SEPTIN9: variants seen among roughly 807,000 people sequenced by gnomAD.
The protein encoded by SEPTIN9 is septin-9.
SEPTIN9 carries 13 observed loss-of-function variants against 56.6 expected under a neutral mutation model. The observed-to-expected ratio is 0.23, with a 90% CI of 0.15 to 0.37. The LOEUF (loss-of-function observed/expected upper bound fraction) is 0.37, where lower values mean the gene tolerates loss of function less well. Ranked by LOEUF, SEPTIN9 falls within the 10% of genes least tolerant of loss-of-function variation. SEPTIN9 has a pLI of 1.00. For synonymous variants in SEPTIN9, 332 were observed against 334.1 expected, an observed-to-expected ratio of 0.99 and a Z score of 0.07; for missense variants, 650 against 823.1, an observed-to-expected ratio of 0.79 and a Z score of 2.57.
intron 7 of SEPTIN9, 65 bp downstream of exon 7, chr17:77,488,929 T>A: frequency 6.3e-7 from 1 of 1,588,804 alleles, no homozygotes; most frequent in Non-Finnish European, 8.6e-7. Flanking sequence ...CCCCTGGGAC[T>A]GCAAGACGGT....
rs1598270336 is a variant in SEPTIN9, at chr17:77,373,370, C to T, written c.77-28689C>T. ...AGCTGAGCCAGGGGGCCTAGGGGCT[C>T]CTCCGGCGGCTAGCTCTGCACTGCA... On this transcript the variant is annotated intron_variant, in intron 2 of 11. Transcript: ENST00000427177. 4 of 1,209,580 alleles carry T rather than the reference C, an allele frequency of 3.3e-6. No individual in the cohort carries two copies. In the East Asian group the frequency reaches 1.4e-4, roughly 43 times the overall value. The allele number at this position is 1,209,580 out of a possible 1,614,324, so 74.9% of individuals were successfully genotyped here.
intron 3 of SEPTIN9, among the ~76,000 whole-genome samples, chr17:77,406,991 T>A (rs1304579099): frequency 6.6e-6 from 1 of 152,006 alleles, no homozygotes; most frequent in African/African-American, 2.4e-5. Context: ...TTATAAAGAA[T>A]CCCATAAGGG....
chr17:77,302,650 C>T (rs2032104315), intron 1 of SEPTIN9, among the ~76,000 whole-genome samples: 1 of 152,136 alleles, frequency 6.6e-6, no homozygotes, highest in Admixed American at 6.5e-5. Flanking sequence ...TGCACTCCAG[C>T]CTGGGCGACA....
chr17:77,302,761 A>G (rs2032109954), intron 1 of SEPTIN9, among the ~76,000 whole-genome samples: 2 of 151,966 alleles, frequency 1.3e-5, no homozygotes, highest in Non-Finnish European at 2.9e-5. Flanking sequence ...GCTGTGCCCA[A>G]AGAGGGGCTG....
At chr17:77,340,306 A>T (rs564125288) in intron 2 of SEPTIN9, among the ~76,000 whole-genome samples, 2 of 149,274 alleles carry the variant, frequency 1.3e-5, no homozygotes, top group Admixed American at 6.7e-5. Flanking sequence ...ATGCCTGAAT[A>T]ATTTTTGTAT....
intron 2 of SEPTIN9, among the ~76,000 whole-genome samples, chr17:77,391,023 AG>A (rs2035523215): frequency 1.3e-5 from 2 of 152,208 alleles, no homozygotes; most frequent in South Asian, 4.1e-4. Flanking sequence ...GAGCAGGAGA[AG>A]GGCCGGCGGA....
intron 1 of SEPTIN9, among the ~76,000 whole-genome samples, chr17:77,303,004 C>G (rs2032123082): frequency 6.6e-6 from 1 of 152,096 alleles, no homozygotes; most frequent in Non-Finnish European, 1.5e-5. Context: ...GTGAGCACTG[C>G]ATTTCTTTCT....
chr17:77,392,674 G>T (rs2035583067), intron 2 of SEPTIN9, among the ~76,000 whole-genome samples: 2 of 151,996 alleles, frequency 1.3e-5, no homozygotes, highest in Admixed American at 1.3e-4. Flanking sequence ...TGAGCTGGGG[G>T]TGGGGTGGTA....
intron 2 of SEPTIN9, among the ~76,000 whole-genome samples, chr17:77,342,765 G>C (rs2033772929): frequency 1.3e-5 from 2 of 152,116 alleles, no homozygotes; most frequent in African/African-American, 4.8e-5. Flanking sequence ...TTGAGCTCAG[G>C]AGTTTGAGAC....
rs1223549754 is a variant in SEPTIN9 at position 77,313,315 on chromosome 17, C to T, written c.76+6118C>T. 6.6e-6 allele frequency among the ~76,000 whole-genome samples: 1 copy of T among 152,236 alleles called. No individual in the cohort carries two copies. The highest frequency in any genetic ancestry group is 2.4e-5 in the African/African-American group (1 of 41,474). ...CATGTGAGAGTGGAATTGGGCCCAA[C>T]CGGGCTGCTTCTCCCCGTTGTCTTG... On this transcript the variant is annotated intron_variant, in intron 2 of 11. Transcript: ENST00000427177. The surrounding 1 kb of genome is among the most constrained non-coding windows in gnomAD (Gnocchi z 4.5).
At chr17:77,384,289 G>T (rs1338210044) in intron 2 of SEPTIN9, among the ~76,000 whole-genome samples, 1 of 152,144 alleles carries the variant, frequency 6.6e-6, no homozygotes, top group Non-Finnish European at 1.5e-5. Flanking sequence ...CTTTGTTCCC[G>T]CTTGTCATTC....
At chr17:77,482,721 GCAC>G (rs1568108946) in intron 4 of SEPTIN9, 79 of 589,168 alleles carry the variant, frequency 1.3e-4, no homozygotes, top group Non-Finnish European at 1.9e-4. Flanking sequence ...GCACCCCACC[GCAC>G]CCCGGCCAGA....
chr17:77,408,481 C>T (rs959714435), intron 3 of SEPTIN9, among the ~76,000 whole-genome samples: 6 of 152,178 alleles, frequency 3.9e-5, no homozygotes, highest in South Asian at 4.1e-4. Context: ...CGTGGCTCTT[C>T]GCATACTTGG....
At chr17:77,287,959 G>C (rs1287876303) in intron 1 of SEPTIN9, 5 of 1,052,162 alleles carry the variant, frequency 4.8e-6, no homozygotes, top group Non-Finnish European at 5.7e-6. Flanking sequence ...GTCATCCTCA[G>C]AGCGGTGTTG....
At chr17:77,454,789 A>T (rs2144437900) in intron 3 of SEPTIN9, among the ~76,000 whole-genome samples, 1 of 152,234 alleles carries the variant, frequency 6.6e-6, no homozygotes, top group African/African-American at 2.4e-5. Flanking sequence ...AGAGCTTAAC[A>T]CCCAGAGGTC....
At chr17:77,372,854 C>T (rs1598269230) in intron 2 of SEPTIN9, among the ~76,000 whole-genome samples, 1 of 152,272 alleles carries the variant, frequency 6.6e-6, no homozygotes, top group Non-Finnish European at 1.5e-5. Flanking sequence ...GGCCGGGATC[C>T]TGCCTGCCAG....
chr17:77,389,370 C>T lies in SEPTIN9; in HGVS notation c.77-12689C>T, dbSNP rs2035453196. On this transcript the variant is annotated intron_variant, in intron 2 of 11. Coordinates refer to ENST00000427177, the MANE Select transcript of SEPTIN9 (RefSeq NM_001113491.2). The surrounding 1 kb of genome is among the most constrained non-coding windows in gnomAD (Gnocchi z 4.3). Reference sequence around the variant, plus strand: ...CATCACGTTTCTCTGTCTCCAGAATCGAGGACGGAGAGCTGCCAGAGAGGC... The same window carrying T: ...CATCACGTTTCTCTGTCTCCAGAATTGAGGACGGAGAGCTGCCAGAGAGGC... Among the ~76,000 whole-genome samples the T allele has an allele frequency of 1.3e-5, 2 of 152,098 alleles. No homozygotes were observed. Among genetic ancestry groups the T allele is most frequent in the South Asian group, 2.1e-4 (1 of 4,824 alleles).
intron 2 of SEPTIN9, chr17:77,380,304 G>A (rs1453687422): frequency 5.7e-4 from 7 of 12,332 alleles, no homozygotes; most frequent in Non-Finnish European, 1.1e-3. Flanking sequence ...CCGTAGCTGG[G>A]TCTCCAGGGG....
intron 2 of SEPTIN9, among the ~76,000 whole-genome samples, chr17:77,387,321 G>C (rs2035372091): frequency 6.6e-6 from 1 of 152,200 alleles, no homozygotes. Context: ...TTTTCTCTGT[G>C]TCTCTGTGTC....
Sources: allele counts gnomAD v4.1 joint callset (sites outside exome capture counted in the v4.1 genomes callset), GRCh38; gene constraint gnomAD v4.1.1; non-coding constraint Gnocchi (gnomAD v3.1); transcripts MANE v1.5; gene names NCBI Gene and HGNC (gene_info 2026-07-23, HGNC 2026-07-21).